Variants in ZMYM1 observed in about 807,000 individuals in gnomAD.
ZMYM1 encodes the protein zinc finger MYM-type protein 1.
In ZMYM1, 39 loss-of-function variants were observed where a neutral mutation model predicts 60.0. The observed-to-expected ratio is 0.65, with a 90% CI of 0.50 to 0.85. The LOEUF is 0.85. ZMYM1 is among the 40% of genes least tolerant of loss of function. The pLI, the probability that ZMYM1 is intolerant of heterozygous loss-of-function variation, is 0.00. For synonymous variants in ZMYM1, 413 were observed against 454.0 expected (o/e 0.91, Z 1.15); for missense variants, 1,171 against 1,309.5 (o/e 0.89, Z 1.63).
At chr1:35,076,490 G>A (rs554066290), upstream of ZMYM1, among the ~76,000 whole-genome samples, 184 of 151,768 alleles carry the variant, frequency 1.2e-3, 1 homozygote, top group South Asian at 0.014. Flanking sequence ...GCATGGTGGC[G>A]CATGCCTGTA....
intron 9 of ZMYM1, 104 bp downstream of exon 9, chr1:35,112,234 G>A: frequency 8.4e-7 from 1 of 1,183,748 alleles, no homozygotes; most frequent in Non-Finnish European, 1.2e-6. Context: ...CTGGAGTGCA[G>A]TGGCGTGATC....
At chr1:35,069,650 A>ATTT (rs1557622974) in intron 1 of ZMYM1, among the ~76,000 whole-genome samples, 5 of 151,866 alleles carry the variant, frequency 3.3e-5, no homozygotes, top group African/African-American at 1.2e-4. Context: ...TATTTTTTTA[A>ATTT]AAAAATTGCC....
chr1:35,087,417 G>C (rs918518369), intron 1 of ZMYM1, among the ~76,000 whole-genome samples: 7 of 127,516 alleles, frequency 5.5e-5, no homozygotes, highest in African/African-American at 8.9e-5. Context: ...AATAACTCTT[G>C]AAACTTGCAT....
At chr1:35,094,470 A>T (rs1203516893) in intron 2 of ZMYM1, among the ~76,000 whole-genome samples, 1 of 152,140 alleles carries the variant, frequency 6.6e-6, no homozygotes, top group African/African-American at 2.4e-5. Flanking sequence ...ATTAAAAAAA[A>T]TTTTTTTAGA....
rs746420102 is a variant in ZMYM1, at chr1:35,113,847, A to C, written c.2017A>C (p.Ile673Leu). 4 of 1,613,776 alleles carry C rather than the reference A, an allele frequency of 2.5e-6. No homozygotes were observed. Among genetic ancestry groups the C allele is most frequent in the Non-Finnish European group, 3.4e-6 (4 of 1,179,844 alleles). Residue 673 changes from isoleucine (I) to leucine (L), a missense_variant, in exon 10 of 10, where the codon ATC becomes CTC. By Grantham distance (5) the Ile-to-Leu change is conservative. Coordinates refer to ENST00000359858, the MANE Select transcript of ZMYM1 (RefSeq NM_024772.5). ...ATACCCACAAAAATCATCAAAGGCTATCTTAATTAAGGAAAGATTCTTGGG... is the reference window on the plus strand; with the variant it reads ...ATACCCACAAAAATCATCAAAGGCTCTCTTAATTAAGGAAAGATTCTTGGG... ...VRYPQKSSKAILIKERFLGFV... is the reference protein window; with the variant it reads ...VRYPQKSSKALLIKERFLGFV...
rs973356183 is a variant in ZMYM1 at position 35,079,388 on chromosome 1, T to G, written c.-129T>G. On this transcript the variant is annotated 5_prime_UTR_variant, in exon 1 of 10. Coordinates refer to ENST00000359858, the MANE Select transcript of ZMYM1 (RefSeq NM_024772.5). ...AGAGGGGCGGGGTCGGCGGGGCCGT[T>G]TCGCTTCGAAGATTGTTTCAGAAGC... 6.8e-6 allele frequency: 1 copy of G among 147,746 alleles called. No individual in the cohort carries two copies. Among genetic ancestry groups the G allele is most frequent in the African/African-American group, 2.5e-5 (1 of 39,690 alleles). The allele number at this position is 147,746 out of a possible 1,614,324, so 9.2% of individuals were successfully genotyped here.
chr1:35,095,512 A>G (rs2148518004), intron 2 of ZMYM1, among the ~76,000 whole-genome samples: 1 of 151,934 alleles, frequency 6.6e-6, no homozygotes, highest in Non-Finnish European at 1.5e-5. Context: ...AAAAAAAAAA[A>G]AAAACAAGTA....
chr1:35,103,435 CATA>C (rs1458181775), intron 4 of ZMYM1, among the ~76,000 whole-genome samples: 3 of 152,148 alleles, frequency 2.0e-5, no homozygotes, highest in African/African-American at 7.2e-5. Flanking sequence ...TTTCCCTTAG[CATA>C]ATATTTTCAA....
intron 4 of ZMYM1, among the ~76,000 whole-genome samples, chr1:35,099,175 G>A (rs1643502844): frequency 6.6e-6 from 1 of 152,120 alleles, no homozygotes; most frequent in African/African-American, 2.4e-5. Context: ...GTTTGCTTCA[G>A]CTCCTCTGGC....
chr1:35,108,060 C>T (rs1039089400), intron 6 of ZMYM1, among the ~76,000 whole-genome samples: 1 of 151,558 alleles, frequency 6.6e-6, no homozygotes, highest in Non-Finnish European at 1.5e-5. Context: ...TGTAGTGAGC[C>T]GAGATCATAC....
chr1:35,070,040 T>C (rs576708104), intron 1 of ZMYM1, among the ~76,000 whole-genome samples: 1 of 152,346 alleles, frequency 6.6e-6, no homozygotes, highest in South Asian at 2.1e-4. Context: ...AGCTTTGTTC[T>C]TTTTGCTCAG....
intron 1 of ZMYM1, among the ~76,000 whole-genome samples, chr1:35,085,614 C>T (rs1322693663): frequency 6.6e-6 from 1 of 152,198 alleles, no homozygotes; most frequent in Non-Finnish European, 1.5e-5. Context: ...GACCCTGAAA[C>T]CACCTCCATG....
chr1:35,095,514 AAAC>A (rs1643263294), intron 2 of ZMYM1, among the ~76,000 whole-genome samples: 1 of 151,922 alleles, frequency 6.6e-6, no homozygotes, highest in South Asian at 2.1e-4. Flanking sequence ...AAAAAAAAAA[AAAC>A]AAGTAGGGAA....
Position 35,115,498 on chromosome 1 carries a change from A to G in ZMYM1, c.*239A>G. On this transcript the variant is annotated 3_prime_UTR_variant, in exon 10 of 10. Coordinates refer to ENST00000359858, the MANE Select transcript of ZMYM1 (RefSeq NM_024772.5). ...TTCTTCAGCTTGTCTTCTCTGTGTA[A>G]CATATTTTTGAGATTGTCCCATGTC... is the stretch of plus-strand genomic sequence containing the variant. 1 of 274,344 alleles carries G rather than the reference A, an allele frequency of 3.6e-6. No homozygotes were observed. The highest frequency in any genetic ancestry group is 1.2e-4 in the South Asian group (1 of 8,020). The allele number at this position is 274,344 out of a possible 1,614,324, so 17.0% of individuals were successfully genotyped here.
rs1308158277 is a variant in ZMYM1, at chr1:35,088,478, G to A, written c.-74-5436G>A. Reference sequence around the variant, plus strand: ...TATGTGTGTGTGTGTGTGTGTGTGTGTGTGTGTGTGTGTGTGTGTGTGTAT... The same window carrying A: ...TATGTGTGTGTGTGTGTGTGTGTGTATGTGTGTGTGTGTGTGTGTGTGTAT... On this transcript the variant is annotated intron_variant, in intron 1 of 9. Transcript: ENST00000359858. 2.1e-4 allele frequency among the ~76,000 whole-genome samples: 30 copies of A among 145,062 alleles called. 1 individual carries two copies. Among genetic ancestry groups the A allele is most frequent in the Admixed American group, 3.5e-4 (5 of 14,254 alleles).
At chr1:35,100,345 A>G (rs902186709) in intron 4 of ZMYM1, among the ~76,000 whole-genome samples, 2 of 151,906 alleles carry the variant, frequency 1.3e-5, no homozygotes, top group Non-Finnish European at 2.9e-5. Flanking sequence ...TTGTGGGCCA[A>G]GCGAGGTGGT....
chr1:35,113,703 A>G lies in ZMYM1; in HGVS notation c.1873A>G (p.Ile625Val), dbSNP rs973121791. Residue 625 changes from isoleucine to valine, a missense_variant, in exon 10 of 10, where the codon ATA becomes GTA. Coordinates refer to ENST00000359858, the MANE Select transcript of ZMYM1 (RefSeq NM_024772.5). ...TQIQSDIIEI[I>V]KTEMLQDIVN... is the part of the protein sequence containing the mutation. Reference sequence around the variant, plus strand: ...AATTCAAAGTGATATTATCGAAATAATAAAGACTGAAATGTTGCAGGATAT... The same window carrying G: ...AATTCAAAGTGATATTATCGAAATAGTAAAGACTGAAATGTTGCAGGATAT... 26 of 1,613,738 alleles carry G rather than the reference A, an allele frequency of 1.6e-5. No homozygotes were observed. The highest frequency in any genetic ancestry group is 2.7e-5 in the African/African-American group (2 of 74,934).
chr1:35,096,360 C>T (rs1432581968), intron 3 of ZMYM1, among the ~76,000 whole-genome samples: 1 of 150,948 alleles, frequency 6.6e-6, no homozygotes, highest in Non-Finnish European at 1.5e-5. Flanking sequence ...CATGGTGCCT[C>T]ATGCCTGTAA....
intron 1 of ZMYM1, among the ~76,000 whole-genome samples, chr1:35,079,753 C>G (rs538152524): frequency 1.3e-5 from 2 of 152,360 alleles, no homozygotes; most frequent in East Asian, 3.9e-4. Context: ...TCTCGCTCCG[C>G]AGCCTCCGTT....
Sources: gnomAD v4.1 joint callset for allele counts (sites outside exome capture counted in the v4.1 genomes callset) on GRCh38, gnomAD v4.1.1 for gene constraint, MANE v1.5 for transcripts, NCBI Gene and HGNC (gene_info 2026-07-23, HGNC 2026-07-21) for gene names.